The following ARL17A variants were observed in gnomAD, a reference collection of about 807,000 sequenced individuals.
ARL17A encodes ADP-ribosylation factor-like 17-like.
intron 4 of ARL17A, among the ~76,000 whole-genome samples, chr17:46,534,699 T>A (rs2054323684): frequency 6.7e-6 from 1 of 149,986 alleles, no homozygotes; most frequent in Non-Finnish European, 1.5e-5. Context: ...CCGTTCTCAA[T>A]GAGCTGTTGG....
downstream of ARL17A, among the ~76,000 whole-genome samples, chr17:46,551,490 CTG>C (rs1172287330): frequency 6.8e-6 from 1 of 146,036 alleles, no homozygotes; most frequent in East Asian, 2.0e-4. Flanking sequence ...CTGCTTTTGT[CTG>C]TGTGTTTGTC....
intron 3 of ARL17A, among the ~76,000 whole-genome samples, chr17:46,568,512 AG>A (rs1486753730): frequency 1.8e-5 from 2 of 110,772 alleles, no homozygotes; most frequent in Non-Finnish European, 1.8e-5. Context: ...AAAAAAAAAA[AG>A]AGGGGGGGAG....
chr17:46,545,653 G>A (rs1233053005), intron 3 of ARL17A, among the ~76,000 whole-genome samples: 4 of 120,846 alleles, frequency 3.3e-5, no homozygotes, highest in Non-Finnish European at 6.5e-5. Flanking sequence ...TTACTAGCTG[G>A]CATTATTTCA....
intron 3 of ARL17A, among the ~76,000 whole-genome samples, chr17:46,544,681 A>G (rs2056010965): frequency 1.2e-5 from 1 of 83,366 alleles, no homozygotes; most frequent in Non-Finnish European, 2.1e-5. Context: ...TATACTGCCT[A>G]AGATTAACCT....
downstream of ARL17A, chr17:46,528,632 A>G: frequency 1.9e-6 from 1 of 514,884 alleles, no homozygotes; most frequent in Non-Finnish European, 3.3e-6. Flanking sequence ...AGGCAGGAGA[A>G]TCACTTGACT....
intron 2 of ARL17A, among the ~76,000 whole-genome samples, chr17:46,573,045 C>T (rs910487697): frequency 8.7e-6 from 1 of 114,794 alleles, no homozygotes; most frequent in Non-Finnish European, 1.8e-5. Context: ...GGAAAGATGT[C>T]CCCTTAGCGG....
At position 46,543,668 on chromosome 17, in the gene ARL17A, C is replaced by A. The variant is rs1250989669; in HGVS notation, c.260-5242G>T. Reference sequence around the variant, plus strand: ...TGGTTTTGTCCAGAAAATGTATAGACATACACACACGGAAAGCTAATGTGG... The same window carrying A: ...TGGTTTTGTCCAGAAAATGTATAGAAATACACACACGGAAAGCTAATGTGG... On this transcript the variant is annotated intron_variant, in intron 3 of 4. Coordinates refer to the ARL17A transcript ENST00000329240. Among the ~76,000 whole-genome samples, 2 of 150,864 alleles carry A rather than the reference C, an allele frequency of 1.3e-5. 1 individual carries two copies. The highest frequency in any genetic ancestry group is 5.0e-5 in the African/African-American group (2 of 40,150).
At chr17:46,526,447 G>A (rs2052773580), downstream of ARL17A, among the ~76,000 whole-genome samples, 1 of 103,184 alleles carries the variant, frequency 9.7e-6, no homozygotes, top group South Asian at 4.6e-4. Flanking sequence ...TAACCTTCCA[G>A]GCTTCTCACT....
rs1243862754 is a variant in ARL17A, at chr17:46,553,387, T to G, written c.*3969A>C. On this transcript the variant is annotated 3_prime_UTR_variant, in exon 4 of 4. Coordinates refer to ENST00000336125, the MANE Select transcript of ARL17A (RefSeq NM_001113738.2). ...GTCATAGATAATCTTAATTGCGTTTTCTTCTAAAACAGATATGTTGTCACC... is the reference window on the plus strand; with the variant it reads ...GTCATAGATAATCTTAATTGCGTTTGCTTCTAAAACAGATATGTTGTCACC... 6.2e-7 allele frequency: 1 copy of G among 1,609,534 alleles called. No homozygotes were observed. Among genetic ancestry groups the G allele is most frequent in the Admixed American group, 1.7e-5 (1 of 59,744 alleles).
intron 3 of ARL17A, among the ~76,000 whole-genome samples, chr17:46,558,135 C>T (rs1300760643): frequency 7.9e-6 from 1 of 126,072 alleles, no homozygotes; most frequent in Non-Finnish European, 1.6e-5. Context: ...TCTCAGCTCA[C>T]TGCATCCTCC....
At chr17:46,533,346 A>AT (rs2054003473) in intron 4 of ARL17A, among the ~76,000 whole-genome samples, 1 of 79,498 alleles carries the variant, frequency 1.3e-5, no homozygotes, top group South Asian at 4.4e-4. Flanking sequence ...ATTAATTCCA[A>AT]CTTTGTTTCA....
At chr17:46,543,637 CTCAAATGG>C (rs1466342321) in intron 3 of ARL17A, among the ~76,000 whole-genome samples, 1 of 150,804 alleles carries the variant, frequency 6.6e-6, no homozygotes, top group Non-Finnish European at 1.5e-5. Context: ...GCAACTGACT[CTCAAATGG>C]TTTTGTCCAG....
intron 4 of ARL17A, among the ~76,000 whole-genome samples, chr17:46,534,132 G>C (rs1378735963): frequency 6.8e-6 from 1 of 146,078 alleles, no homozygotes; most frequent in Non-Finnish European, 1.5e-5. Flanking sequence ...TGTCACCTCA[G>C]CCTCCTGGGT....
chr17:46,501,134 C>T, the ARL17A span, among the ~76,000 whole-genome samples: 5 of 151,294 alleles, frequency 3.3e-5, no homozygotes, highest in Non-Finnish European at 4.4e-5. Context: ...AAGCAATCCT[C>T]CTGCCTCAGC....
At chr17:46,516,302 CA>C (rs1159712527), downstream of ARL17A, among the ~76,000 whole-genome samples, 9 of 63,196 alleles carry the variant, frequency 1.4e-4, 1 homozygote, top group East Asian at 2.7e-4. Flanking sequence ...GACTCCATCT[CA>C]AAAAAAAAAA....
chr17:46,502,307 C>A, the ARL17A span, among the ~76,000 whole-genome samples: 2 of 151,040 alleles, frequency 1.3e-5, no homozygotes, highest in African/African-American at 5.0e-5. Flanking sequence ...GTTTAAGGGT[C>A]CTTTTATTTT....
At chr17:46,551,460 C>T (rs574492558), downstream of ARL17A, among the ~76,000 whole-genome samples, 1 of 147,734 alleles carries the variant, frequency 6.8e-6, no homozygotes, top group Non-Finnish European at 1.5e-5. Context: ...CACCAAACCC[C>T]AGTCACACCA....
chr17:46,568,829 C>A (rs2057602529), intron 3 of ARL17A, among the ~76,000 whole-genome samples: 1 of 114,096 alleles, frequency 8.8e-6, no homozygotes, highest in South Asian at 2.8e-4. Context: ...AGAACAACTG[C>A]TGTAGAATAA....
intron 3 of ARL17A, among the ~76,000 whole-genome samples, chr17:46,543,854 T>A (rs1326047850): frequency 3.3e-5 from 5 of 150,274 alleles, no homozygotes; most frequent in Admixed American, 6.6e-5. Flanking sequence ...TTTGGGCTCA[T>A]GCCTGTAATC....
Sources: allele counts gnomAD v4.1 joint callset (sites outside exome capture counted in the v4.1 genomes callset), GRCh38; gene constraint gnomAD v4.1.1; transcripts MANE v1.5; gene names NCBI Gene and HGNC (gene_info 2026-07-23, HGNC 2026-07-21).